CACNA1H: variants seen among roughly 807,000 people sequenced by gnomAD.
CACNA1H encodes the protein calcium voltage-gated channel subunit alpha1 H, also known as voltage-dependent T-type calcium channel subunit alpha-1H.
A neutral mutation model predicts 192.5 loss-of-function variants in CACNA1H; 149 were observed. That is an observed-to-expected ratio of 0.77 (90% CI 0.68 to 0.89). The LOEUF is 0.89. Ranked by LOEUF, CACNA1H falls within the 40% of genes least tolerant of loss-of-function variation. The pLI, the probability that CACNA1H is intolerant of heterozygous loss-of-function variation, is 0.00. For synonymous variants in CACNA1H, 2,202 were observed against 1,475.2 expected, an observed-to-expected ratio of 1.49 and a Z score of -11.29; for missense variants, 4,257 against 3,423.5, an observed-to-expected ratio of 1.24 and a Z score of -6.08.
chr16:1,188,011 A>C (rs1465000282), intron 2 of CACNA1H, among the ~76,000 whole-genome samples: 1 of 152,234 alleles, frequency 6.6e-6, no homozygotes, highest in Non-Finnish European at 1.5e-5. Flanking sequence ...CTTGTTTTGC[A>C]GGAAGGTCTG....
intron 2 of CACNA1H, among the ~76,000 whole-genome samples, chr16:1,154,720 C>G (rs563716608): frequency 6.6e-6 from 1 of 152,312 alleles, no homozygotes; most frequent in South Asian, 2.1e-4. Flanking sequence ...CCTTCCCTGG[C>G]TGGAGAGGAA....
chr16:1,210,394 C>G lies in CACNA1H; in HGVS notation c.3870C>G (p.Val1290=). 3.7e-6 allele frequency: 5 copies of G among 1,363,870 alleles called. No homozygotes were observed. The highest frequency in any genetic ancestry group is 4.9e-6 in the Non-Finnish European group (5 of 1,026,434). The allele number at this position is 1,363,870 out of a possible 1,614,324, so 84.5% of individuals were successfully genotyped here. ...QNRFRVSCQK[V]ITHKMFDHVV... ...GGTTCCGCGTCTCCTGCCAGAAGGTCATCACACACAAGATGTTTGATCACG... is the reference window on the plus strand; with the variant it reads ...GGTTCCGCGTCTCCTGCCAGAAGGTGATCACACACAAGATGTTTGATCACG... Residue 1290 remains valine, a synonymous_variant, in exon 19 of 35, where the codon GTC becomes GTG. Transcript: ENST00000348261.
intron 30 of CACNA1H, among the ~76,000 whole-genome samples, chr16:1,216,593 A>G (rs1385346810): frequency 1.3e-5 from 2 of 152,208 alleles, no homozygotes; most frequent in Non-Finnish European, 2.9e-5. Flanking sequence ...AGAGCATGCT[A>G]GGCCTTGGGG....
intron 22 of CACNA1H, 35 bp from the exon 23 acceptor site, chr16:1,211,446 C>A (rs909351993): frequency 6.2e-7 from 1 of 1,611,920 alleles, no homozygotes. Context: ...GGGGCACAGG[C>A]CAGGCCCTCC....
At chr16:1,211,382 A>T in intron 22 of CACNA1H, 88 bp downstream of exon 22, 1 of 1,605,504 alleles carries the variant, frequency 6.2e-7, no homozygotes, top group Non-Finnish European at 8.5e-7. Flanking sequence ...CCGCTGCGGG[A>T]CGGGGAGGGA....
chr16:1,161,245 C>T (rs72775426), intron 2 of CACNA1H, among the ~76,000 whole-genome samples: 2,679 of 152,278 alleles, frequency 0.018, 50 homozygotes, highest in Middle Eastern at 0.082. Flanking sequence ...TGTGGATGGA[C>T]CGTTAGGTGA....
chr16:1,208,883 C>T (rs1196927187), intron 16 of CACNA1H, 149 bp from the exon 17 acceptor site: 7 of 838,148 alleles, frequency 8.4e-6, no homozygotes, highest in Non-Finnish European at 1.0e-5. Flanking sequence ...CTCGGTGTCC[C>T]CCTAAAATCA....
chr16:1,166,841 G>A (rs896270729), intron 2 of CACNA1H, among the ~76,000 whole-genome samples: 2 of 152,188 alleles, frequency 1.3e-5, no homozygotes, highest in African/African-American at 4.8e-5. Flanking sequence ...GGATGTCTGG[G>A]CCGTTTCACC....
chr16:1,207,555 C>T (rs1968887963), intron 14 of CACNA1H, 125 bp downstream of exon 14: 1 of 1,181,428 alleles, frequency 8.5e-7, no homozygotes, highest in African/African-American at 1.5e-5. Context: ...AGCTGGCTGC[C>T]ATGAGGAGAG....
intron 2 of CACNA1H, among the ~76,000 whole-genome samples, chr16:1,159,177 A>G (rs1609696): frequency 0.077 from 11,707 of 152,274 alleles, 1,220 homozygotes; most frequent in African/African-American, 0.24. Flanking sequence ...AGTTCCCCGC[A>G]GAGTGCCCGG....
At position 1,200,539 on chromosome 16, in the gene CACNA1H, A is replaced by G. The variant is rs1274760906; in HGVS notation, c.1087A>G (p.Asn363Asp). ...CCACAACGGTGCCATCAACTTCGAC[A>G]ACATCGGCTACGCCTGGATTGCCAT... ...NPHNGAINFD[N>D]IGYAWIAIFQ... Residue 363 changes from asparagine (N) to aspartate (D), a missense_variant, in exon 7 of 35, where the codon AAC (asparagine) becomes GAC (aspartate). By Grantham distance (23) the Asn-to-Asp change is conservative. Transcript: ENST00000348261. 6.2e-7 allele frequency: 1 copy of G among 1,612,266 alleles called. No individual in the cohort carries two copies. The highest frequency in any genetic ancestry group is 1.7e-5 in the Admixed American group (1 of 60,012).
At chr16:1,197,240 T>C (rs1054377235) in intron 5 of CACNA1H, among the ~76,000 whole-genome samples, 1 of 152,200 alleles carries the variant, frequency 6.6e-6, no homozygotes, top group Non-Finnish European at 1.5e-5. Context: ...CCTGGAATAG[T>C]GCAGTACAGG....
At chr16:1,216,886 C>T (rs758703463) in intron 30 of CACNA1H, 46 bp from the exon 31 acceptor site, 64 of 1,508,112 alleles carry the variant, frequency 4.2e-5, no homozygotes, top group Middle Eastern at 1.7e-4. Flanking sequence ...GGGCTGAGGC[C>T]TCCCTGCCCG....
intron 2 of CACNA1H, among the ~76,000 whole-genome samples, chr16:1,187,452 G>C (rs1400033154): frequency 6.6e-6 from 1 of 152,262 alleles, no homozygotes; most frequent in African/African-American, 2.4e-5. Context: ...CCTTCCTGCT[G>C]TGGGTGCCTT....
chr16:1,179,460 A>ATG (rs745325981), intron 2 of CACNA1H, among the ~76,000 whole-genome samples: 4 of 151,544 alleles, frequency 2.6e-5, no homozygotes, highest in South Asian at 2.1e-4. Flanking sequence ...TTATTTATTG[A>ATG]TGTGTGTGTG....
intron 2 of CACNA1H, among the ~76,000 whole-genome samples, chr16:1,194,727 G>A (rs988326782): frequency 6.6e-6 from 1 of 152,078 alleles, no homozygotes; most frequent in African/African-American, 2.4e-5. Context: ...AGCCAACGCC[G>A]AGGGCCAGGG....
chr16:1,202,119 C>T lies in CACNA1H; in HGVS notation c.1669C>T (p.Pro557Ser), dbSNP rs1394895640. 3 of 1,546,970 alleles carry T rather than the reference C, an allele frequency of 1.9e-6. No individual in the cohort carries two copies. Among genetic ancestry groups the T allele is most frequent in the East Asian group, 4.9e-5 (2 of 40,850 alleles). Reference protein sequence around the residue: ...DTRLVRAGAPPSPPSPGRGPP... With the variant: ...DTRLVRAGAPSSPPSPGRGPP... ...CAGGCTGGTCCGAGCTGGCGCGCCC[C>T]CCTCGCCACCTTCCCCAGGCCGCGG... Residue 557 changes from proline to serine, a missense_variant, in exon 9 of 35, where the codon CCC (proline) becomes TCC (serine). Physicochemically the swap from Pro to Ser is moderately conservative, Grantham distance 74. Coordinates refer to ENST00000348261, the MANE Select transcript of CACNA1H (RefSeq NM_021098.3).
In CACNA1H at chr16:1,154,709, C is replaced by T. The variant is rs545875588; in HGVS notation, c.299+673C>T. Among the ~76,000 whole-genome samples the T allele has an allele frequency of 1.6e-4, 24 of 152,286 alleles. No individual in the cohort carries two copies. In the East Asian group the frequency reaches 1.7e-3, roughly 11 times the overall value. On this transcript the variant is annotated intron_variant, in intron 2 of 34. Transcript: ENST00000348261. ...CAAGGGGGAGTCTCATCTCCCCAGC[C>T]CCTTCCCTGGCTGGAGAGGAAGAGG...
At position 1,220,790 on chromosome 16, in the gene CACNA1H, C is replaced by T. The variant is rs1468998569; in HGVS notation, c.6858C>T (p.His2286=). The T allele has an allele frequency of 6.2e-7, 1 of 1,612,752 alleles. No homozygotes were observed. The highest frequency in any genetic ancestry group is 2.2e-5 in the East Asian group (1 of 44,844). ...GAGACCCTTTCTTGGACGGTAGCCA[C>T]AGTGTGACCCCAGAATCCAGAGCTT... ...PSGDPFLDGS[H]SVTPESRASS... Residue 2286 remains histidine, a synonymous_variant, in exon 35 of 35, where the codon CAC becomes CAT. Transcript: ENST00000348261.
Sources: gnomAD v4.1 joint callset for allele counts (sites outside exome capture counted in the v4.1 genomes callset) on GRCh38, gnomAD v4.1.1 for gene constraint, MANE v1.5 for transcripts, NCBI Gene and HGNC (gene_info 2026-07-23, HGNC 2026-07-21) for gene names.